The following AKT3 variants were observed in gnomAD, a reference collection of about 807,000 sequenced individuals.
AKT3 encodes the protein RAC-gamma serine/threonine-protein kinase.
Under a neutral mutation model 65.3 loss-of-function variants are expected in AKT3, and 15 were observed. The ratio of observed to expected loss-of-function variants is 0.23; its 90% confidence interval spans 0.15 to 0.35. The LOEUF (loss-of-function observed/expected upper bound fraction) is 0.35, where lower values mean the gene tolerates loss of function less well. Among genes scored for constraint, AKT3 ranks in the 10% least tolerant of loss-of-function variants. AKT3 has a pLI of 1.00. For synonymous variants in AKT3, 206 were observed against 183.8 expected (o/e 1.12, Z -0.98); for missense variants, 243 against 576.5 (o/e 0.42, Z 5.92).
At chr1:243,797,930 T>C (rs185016330) in intron 2 of AKT3, among the ~76,000 whole-genome samples, 108 of 149,212 alleles carry the variant, frequency 7.2e-4, no homozygotes, top group African/African-American at 2.6e-3. Flanking sequence ...TCACCCAGGC[T>C]GGAGTGCAGT....
chr1:243,518,098 T>C (rs545128210), intron 12 of AKT3, among the ~76,000 whole-genome samples: 22 of 152,386 alleles, frequency 1.4e-4, no homozygotes, highest in African/African-American at 5.3e-4. Flanking sequence ...CCTAGGTTTC[T>C]TGATCTCAAG....
At chr1:243,558,107 C>T (rs1673527819) in intron 10 of AKT3, among the ~76,000 whole-genome samples, 1 of 151,994 alleles carries the variant, frequency 6.6e-6, no homozygotes, top group South Asian at 2.1e-4. Context: ...GCAGCACCCA[C>T]AAAATGACAT....
chr1:243,640,208 G>A (rs781179574), intron 5 of AKT3, among the ~76,000 whole-genome samples: 6 of 152,136 alleles, frequency 3.9e-5, no homozygotes, highest in Non-Finnish European at 7.4e-5. Flanking sequence ...ATCAAATATA[G>A]TAAATCAGCT....
intron 3 of AKT3, among the ~76,000 whole-genome samples, chr1:243,693,229 G>T (rs1684814861): frequency 2.7e-5 from 2 of 75,062 alleles, no homozygotes; most frequent in East Asian, 3.9e-4. Context: ...ATATCCCTTT[G>T]GTAGCTACAA....
intron 5 of AKT3, among the ~76,000 whole-genome samples, chr1:243,638,817 C>A (rs542321665): frequency 1.5e-4 from 23 of 150,014 alleles, no homozygotes; most frequent in African/African-American, 5.4e-4. Context: ...CAGTTTCCAC[C>A]TTAACAAACT....
intron 2 of AKT3, among the ~76,000 whole-genome samples, chr1:243,716,253 A>T (rs1006756705): frequency 1.3e-5 from 2 of 152,178 alleles, no homozygotes; most frequent in Non-Finnish European, 2.9e-5. Context: ...TTACAGAACC[A>T]AATGATCCTA....
At chr1:243,489,108 C>T (rs375013516) in intron 13 of AKT3, 1 of 1,613,116 alleles carries the variant, frequency 6.2e-7, no homozygotes, top group African/African-American at 1.3e-5. Flanking sequence ...GAGGCAGAGC[C>T]TGTCGGAAGA....
At chr1:243,744,687 C>A (rs929524759) in intron 2 of AKT3, among the ~76,000 whole-genome samples, 7 of 146,800 alleles carry the variant, frequency 4.8e-5, no homozygotes, top group Admixed American at 1.4e-4. Flanking sequence ...TGCAGTGAGC[C>A]GAGATCGCGC....
At chr1:243,605,789 G>C (rs1482894469) in intron 8 of AKT3, among the ~76,000 whole-genome samples, 5 of 152,170 alleles carry the variant, frequency 3.3e-5, no homozygotes, top group African/African-American at 1.2e-4. Flanking sequence ...AAACTTGCTG[G>C]TAGGCAGATA....
intron 2 of AKT3, among the ~76,000 whole-genome samples, chr1:243,771,976 A>G (rs887938208): frequency 1.3e-5 from 2 of 152,216 alleles, no homozygotes; most frequent in East Asian, 3.8e-4. Flanking sequence ...TGGGAAAACT[A>G]GCTAGCCATA....
intron 12 of AKT3, among the ~76,000 whole-genome samples, chr1:243,527,890 C>CACACACACAAGACTCCATCTCTTAAA (rs1558589928): frequency 1.1e-5 from 1 of 90,452 alleles, no homozygotes; most frequent in African/African-American, 5.6e-5. Context: ...CACACACACA[C>CACACACACAAGACTCCATCTCTTAAA]ACACACACAC....
At chr1:243,627,149 T>A (rs1192749338) in intron 6 of AKT3, among the ~76,000 whole-genome samples, 1 of 152,148 alleles carries the variant, frequency 6.6e-6, no homozygotes, top group Non-Finnish European at 1.5e-5. Flanking sequence ...ATCTACAGCA[T>A]CAGCAGTCTC....
intron 12 of AKT3, among the ~76,000 whole-genome samples, chr1:243,526,203 A>T (rs546754804): frequency 1.1e-4 from 16 of 152,222 alleles, no homozygotes; most frequent in Middle Eastern, 3.4e-3. Context: ...AAGCCAGGAG[A>T]GGAAAGATGA....
intron 13 of AKT3, among the ~76,000 whole-genome samples, chr1:243,492,207 C>T (rs1020453062): frequency 5.3e-5 from 8 of 151,188 alleles, no homozygotes; most frequent in East Asian, 1.9e-4. Context: ...CTTTTGGCCA[C>T]GAGAACCCCC....
At chr1:243,809,169 TCA>T (rs1161957406) in intron 2 of AKT3, among the ~76,000 whole-genome samples, 5 of 152,240 alleles carry the variant, frequency 3.3e-5, no homozygotes, top group South Asian at 2.1e-4. Flanking sequence ...AGGATCAAAT[TCA>T]CACACAACAA....
At chr1:243,775,198 T>A (rs911567746) in intron 2 of AKT3, among the ~76,000 whole-genome samples, 1 of 152,104 alleles carries the variant, frequency 6.6e-6, no homozygotes, top group Non-Finnish European at 1.5e-5. Context: ...TTGTTTGTTT[T>A]GAGACAGAGT....
intron 13 of AKT3, among the ~76,000 whole-genome samples, chr1:243,492,217 C>T (rs1428963173): frequency 2.0e-5 from 3 of 151,890 alleles, no homozygotes; most frequent in Admixed American, 1.3e-4. Context: ...CGAGAACCCC[C>T]ATCCTCCCCG....
At chr1:243,754,750 C>T (rs1320182201) in intron 2 of AKT3, among the ~76,000 whole-genome samples, 1 of 152,112 alleles carries the variant, frequency 6.6e-6, no homozygotes, top group African/African-American at 2.4e-5. Flanking sequence ...ATCCCAAAAC[C>T]GTCCCCCCTC....
chr1:243,602,196 T>C (rs892656355), intron 8 of AKT3, among the ~76,000 whole-genome samples: 5 of 152,202 alleles, frequency 3.3e-5, no homozygotes, highest in African/African-American at 1.2e-4. Context: ...GGTTTAACCA[T>C]TCATTTTTTA....
Sources: allele counts gnomAD v4.1 joint callset (sites outside exome capture counted in the v4.1 genomes callset), GRCh38; gene constraint gnomAD v4.1.1; transcripts MANE v1.5; gene names NCBI Gene and HGNC (gene_info 2026-07-23, HGNC 2026-07-21).